Variants in C12orf54 observed in about 807,000 individuals in gnomAD.
C12orf54 encodes uncharacterized protein C12orf54.
Under a neutral mutation model 26.4 loss-of-function variants are expected in C12orf54, and 24 were observed. That is an observed-to-expected ratio of 0.91 (90% CI 0.66 to 1.28). The LOEUF (loss-of-function observed/expected upper bound fraction) is 1.28, where lower values mean the gene tolerates loss of function less well. Among genes scored for constraint, C12orf54 ranks in the 50% most tolerant of loss-of-function variants. C12orf54 has a pLI of 0.00. For missense variants in C12orf54, 154 were observed against 150.9 expected, an observed-to-expected ratio of 1.02 and a Z score of -0.11; for synonymous variants, 54 against 47.0, an observed-to-expected ratio of 1.15 and a Z score of -0.61.
the C12orf54 span, chr12:48,472,862 T>G: frequency 1.2e-5 from 19 of 1,613,962 alleles, no homozygotes; most frequent in Non-Finnish European, 1.0e-5. Flanking sequence ...TAAACAAACT[T>G]AAGAAGCTTG....
At chr12:48,458,606 C>G in the C12orf54 span, among the ~76,000 whole-genome samples, 1 of 152,130 alleles carries the variant, frequency 6.6e-6, no homozygotes, top group Non-Finnish European at 1.5e-5. Flanking sequence ...CAATTTGTAT[C>G]TTAGTGCTCA....
the C12orf54 span, among the ~76,000 whole-genome samples, chr12:48,446,894 T>C: frequency 6.6e-6 from 1 of 152,138 alleles, no homozygotes; most frequent in Non-Finnish European, 1.5e-5. Flanking sequence ...TGACACAAAA[T>C]AGACAAAGCA....
chr12:48,446,222 T>A, the C12orf54 span, among the ~76,000 whole-genome samples: 22 of 152,178 alleles, frequency 1.4e-4, no homozygotes, highest in Non-Finnish European at 2.9e-4. Context: ...TTAAGACCTT[T>A]TTTGCATAAA....
the C12orf54 span, among the ~76,000 whole-genome samples, chr12:48,469,708 T>C: frequency 1.3e-5 from 2 of 152,324 alleles, no homozygotes; most frequent in East Asian, 1.9e-4. Flanking sequence ...TGTTCAGAGA[T>C]TGCAGTAAAG....
At chr12:48,489,521 G>A (rs1354979811) in intron 5 of C12orf54, among the ~76,000 whole-genome samples, 2 of 152,042 alleles carry the variant, frequency 1.3e-5, no homozygotes, top group South Asian at 2.1e-4. Context: ...TGGCTCCCGG[G>A]TTCAAGTGAA....
At chr12:48,425,253 G>A in the C12orf54 span, among the ~76,000 whole-genome samples, 1 of 151,804 alleles carries the variant, frequency 6.6e-6, no homozygotes, top group Non-Finnish European at 1.5e-5. Flanking sequence ...CCTCAAGTAG[G>A]CCCCACTGTG....
chr12:48,418,266 A>T, the C12orf54 span, among the ~76,000 whole-genome samples: 1 of 152,222 alleles, frequency 6.6e-6, no homozygotes, highest in African/African-American at 2.4e-5. Context: ...GAAGGGAAAG[A>T]CATTCTCTAT....
the C12orf54 span, among the ~76,000 whole-genome samples, chr12:48,465,724 T>G: frequency 2.0e-5 from 3 of 152,212 alleles, 1 homozygote; most frequent in South Asian, 6.2e-4. Context: ...CATGATACTA[T>G]GCAGCCATAA....
chr12:48,483,637 G>A (rs894479984), intron 2 of C12orf54: 1 of 333,176 alleles, frequency 3.0e-6, no homozygotes, highest in Non-Finnish European at 5.6e-6. Flanking sequence ...TTTATTCCAG[G>A]ATTGACTTTG....
At chr12:48,453,470 A>G in the C12orf54 span, among the ~76,000 whole-genome samples, 1 of 150,250 alleles carries the variant, frequency 6.7e-6, no homozygotes, top group African/African-American at 2.4e-5. Flanking sequence ...AAACCTGCAC[A>G]TCCTGCACAT....
the C12orf54 span, among the ~76,000 whole-genome samples, chr12:48,469,327 C>T: frequency 1.3e-5 from 2 of 152,178 alleles, no homozygotes; most frequent in African/African-American, 2.4e-5. Flanking sequence ...GGAATGCCTT[C>T]GTTTTCCCAG....
chr12:48,461,514 A>C, the C12orf54 span, among the ~76,000 whole-genome samples: 1 of 151,928 alleles, frequency 6.6e-6, no homozygotes, highest in African/African-American at 2.4e-5. Flanking sequence ...TAAAATTTTT[A>C]AAATTCAAGT....
At chr12:48,437,961 T>C in the C12orf54 span, among the ~76,000 whole-genome samples, 1 of 152,186 alleles carries the variant, frequency 6.6e-6, no homozygotes, top group Admixed American at 6.5e-5. Context: ...GGAAGTCAAA[T>C]TGTCCCTGTT....
the C12orf54 span, among the ~76,000 whole-genome samples, chr12:48,476,708 T>C: frequency 6.7e-6 from 1 of 149,136 alleles, no homozygotes; most frequent in Non-Finnish European, 1.5e-5. Flanking sequence ...ATCCTAAATA[T>C]ATATGCACCC....
chr12:48,490,124 G>A (rs1229362079), intron 5 of C12orf54, among the ~76,000 whole-genome samples: 3 of 152,192 alleles, frequency 2.0e-5, no homozygotes, highest in Non-Finnish European at 2.9e-5. Context: ...AAAAGACATA[G>A]CAGAGGGCCA....
the C12orf54 span, among the ~76,000 whole-genome samples, chr12:48,440,883 A>T: frequency 7.5e-3 from 1,142 of 152,322 alleles, 10 homozygotes; most frequent in Non-Finnish European, 9.2e-3. Flanking sequence ...GCAAAATAAA[A>T]TAAGATAACA....
At chr12:48,448,549 T>C in the C12orf54 span, among the ~76,000 whole-genome samples, 4 of 152,222 alleles carry the variant, frequency 2.6e-5, no homozygotes, top group Non-Finnish European at 5.9e-5. Context: ...CATGTTTTGG[T>C]TTATCTGCAT....
At chr12:48,433,235 C>T in the C12orf54 span, among the ~76,000 whole-genome samples, 4 of 152,206 alleles carry the variant, frequency 2.6e-5, no homozygotes, top group African/African-American at 9.6e-5. Flanking sequence ...CCACCTTGCT[C>T]AGCCACGGCT....
At chr12:48,464,157 T>G in the C12orf54 span, among the ~76,000 whole-genome samples, 7 of 152,098 alleles carry the variant, frequency 4.6e-5, no homozygotes, top group African/African-American at 1.7e-4. Flanking sequence ...GCAGATGACA[T>G]AATCCTATAT....
Sources: gnomAD v4.1 joint callset for allele counts (sites outside exome capture counted in the v4.1 genomes callset) on GRCh38, gnomAD v4.1.1 for gene constraint, MANE v1.5 for transcripts, NCBI Gene and HGNC (gene_info 2026-07-23, HGNC 2026-07-21) for gene names.